Variants in PGCKA1 observed in about 807,000 individuals in gnomAD.
The protein encoded by PGCKA1 is PDCD10 and GCKIII kinases-associated protein 1.
the PGCKA1 span, chr4:37,460,429 G>A: frequency 3.0e-6 from 1 of 338,316 alleles, no homozygotes; most frequent in Non-Finnish European, 5.8e-6. Context: ...TTCCACAATG[G>A]TGGAACTAAT....
the PGCKA1 span, among the ~76,000 whole-genome samples, chr4:37,467,148 A>G: frequency 6.6e-6 from 1 of 152,222 alleles, no homozygotes; most frequent in Admixed American, 6.5e-5. Context: ...GCACTGATTT[A>G]AAAATGAGAT....
At chr4:37,500,870 C>A in the PGCKA1 span, among the ~76,000 whole-genome samples, 1 of 152,160 alleles carries the variant, frequency 6.6e-6, no homozygotes, top group African/African-American at 2.4e-5. Flanking sequence ...TTATGTAATG[C>A]CCTTCTTTGT....
At chr4:37,466,385 A>C in the PGCKA1 span, among the ~76,000 whole-genome samples, 2 of 152,224 alleles carry the variant, frequency 1.3e-5, no homozygotes. Flanking sequence ...CACACTCATA[A>C]ATTCCAAACT....
the PGCKA1 span, among the ~76,000 whole-genome samples, chr4:37,490,063 CA>C: frequency 6.6e-6 from 1 of 152,036 alleles, no homozygotes; most frequent in East Asian, 1.9e-4. Context: ...TGTCATGAAT[CA>C]ATCTAAGATT....
chr4:37,477,880 A>G, the PGCKA1 span, among the ~76,000 whole-genome samples: 1 of 152,174 alleles, frequency 6.6e-6, no homozygotes, highest in Non-Finnish European at 1.5e-5. Context: ...CAAAGCATAA[A>G]TTAAAGACAT....
the PGCKA1 span, chr4:37,590,163 C>G: frequency 7.4e-6 from 12 of 1,614,086 alleles, no homozygotes; most frequent in African/African-American, 9.3e-5. Flanking sequence ...TAGATGAAGA[C>G]GACACTGATA....
the PGCKA1 span, among the ~76,000 whole-genome samples, chr4:37,531,201 A>G: frequency 6.6e-6 from 1 of 152,208 alleles, no homozygotes; most frequent in Non-Finnish European, 1.5e-5. Context: ...CCTCAGAACC[A>G]CATTCTTCCC....
the PGCKA1 span, among the ~76,000 whole-genome samples, chr4:37,570,501 T>G: frequency 0.97 from 146,508 of 150,916 alleles, 71,213 homozygotes; most frequent in Non-Finnish European, 1. Context: ...TATAGATTCA[T>G]TACTGTCTAT....
chr4:37,532,655 C>T, the PGCKA1 span, among the ~76,000 whole-genome samples: 1 of 152,166 alleles, frequency 6.6e-6, no homozygotes, highest in Non-Finnish European at 1.5e-5. Flanking sequence ...TTGCACCTGC[C>T]AGAACCACAG....
the PGCKA1 span, among the ~76,000 whole-genome samples, chr4:37,503,161 C>A: frequency 1.3e-5 from 2 of 152,162 alleles, no homozygotes; most frequent in African/African-American, 4.8e-5. Context: ...GCCAAGGGGT[C>A]TCCTCCTGCC....
chr4:37,454,275 G>A, the PGCKA1 span, among the ~76,000 whole-genome samples: 124 of 152,284 alleles, frequency 8.1e-4, 1 homozygote, highest in Middle Eastern at 3.4e-3. Flanking sequence ...CGGGTGGGGG[G>A]AGGCGGACTT....
chr4:37,463,532 C>T, the PGCKA1 span, among the ~76,000 whole-genome samples: 1 of 152,156 alleles, frequency 6.6e-6, no homozygotes, highest in African/African-American at 2.4e-5. Flanking sequence ...CAGGCAGAGG[C>T]CCCACCAAGC....
chr4:37,554,416 A>G, the PGCKA1 span, among the ~76,000 whole-genome samples: 13 of 152,110 alleles, frequency 8.5e-5, no homozygotes, highest in African/African-American at 2.9e-4. Flanking sequence ...CAGTGGTGCA[A>G]TGAGCTCGCT....
chr4:37,517,285 A>C, the PGCKA1 span, among the ~76,000 whole-genome samples: 1 of 147,926 alleles, frequency 6.8e-6, no homozygotes, highest in African/African-American at 2.5e-5. Context: ...ATATATAAAT[A>C]TGTATAAATA....
At chr4:37,585,890 A>G in the PGCKA1 span, among the ~76,000 whole-genome samples, 2 of 151,806 alleles carry the variant, frequency 1.3e-5, no homozygotes, top group African/African-American at 4.8e-5. Context: ...CTATCTTTCA[A>G]TTGGTGTCAC....
chr4:37,578,521 G>A, the PGCKA1 span, among the ~76,000 whole-genome samples: 1 of 152,114 alleles, frequency 6.6e-6, no homozygotes, highest in African/African-American at 2.4e-5. Context: ...TGTCTTTTGA[G>A]TAGACAGCTT....
chr4:37,550,137 C>G, the PGCKA1 span, among the ~76,000 whole-genome samples: 111 of 152,200 alleles, frequency 7.3e-4, no homozygotes, highest in African/African-American at 2.5e-3. Flanking sequence ...AGGAAGTGAC[C>G]AGCCCGATGT....
the PGCKA1 span, among the ~76,000 whole-genome samples, chr4:37,481,354 A>T: frequency 1.7e-4 from 25 of 151,088 alleles, 1 homozygote; most frequent in Non-Finnish European, 3.2e-4. Context: ...AGTCCCAGCT[A>T]CTTGGGAGGC....
the PGCKA1 span, among the ~76,000 whole-genome samples, chr4:37,512,453 T>C: frequency 2.4e-5 from 3 of 126,148 alleles, no homozygotes; most frequent in East Asian, 6.7e-4. Flanking sequence ...AGTGTTGATT[T>C]CTTTTTTTTT....
Sources: allele counts gnomAD v4.1 joint callset (sites outside exome capture counted in the v4.1 genomes callset), GRCh38; gene constraint gnomAD v4.1.1; transcripts MANE v1.5; gene names NCBI Gene and HGNC (gene_info 2026-07-23, HGNC 2026-07-21).